Variants in ARHGEF12 observed in about 807,000 individuals in gnomAD.
ARHGEF12 encodes the protein KMT2A/ARHGEF12 fusion protein.
A neutral mutation model predicts 211.2 loss-of-function variants in ARHGEF12; 66 were observed. The observed-to-expected ratio is 0.31, with a 90% CI of 0.26 to 0.38. ARHGEF12 has a LOEUF of 0.38. ARHGEF12 is among the 10% of genes least tolerant of loss of function. The pLI, the probability that ARHGEF12 is intolerant of heterozygous loss-of-function variation, is 1.00. For missense variants in ARHGEF12, 1,429 were observed against 1,869.5 expected (o/e 0.76, Z 4.34); for synonymous variants, 592 against 638.4 (o/e 0.93, Z 1.09).
At chr11:120,435,042 A>G (rs1565479136) in intron 11 of ARHGEF12, among the ~76,000 whole-genome samples, 1 of 152,194 alleles carries the variant, frequency 6.6e-6, no homozygotes, top group Non-Finnish European at 1.5e-5. Flanking sequence ...CTAAGAATTA[A>G]TATTTTCTCA....
intron 1 of ARHGEF12, among the ~76,000 whole-genome samples, chr11:120,365,308 A>C (rs1943393630): frequency 6.6e-6 from 1 of 152,174 alleles, no homozygotes; most frequent in South Asian, 2.1e-4. Context: ...GTAAGCTGAT[A>C]GATGATTGGA....
At chr11:120,459,107 A>T in intron 25 of ARHGEF12, 67 bp from the exon 26 acceptor site, 1 of 1,291,982 alleles carries the variant, frequency 7.7e-7, no homozygotes, top group Non-Finnish European at 1.0e-6. Context: ...ACTCCAGCTA[A>T]AGACTATGAT....
Position 120,485,278 on chromosome 11 carries a change from G to A in ARHGEF12, c.*201G>A, listed in dbSNP as rs1236708259. On this transcript the variant is annotated 3_prime_UTR_variant, in exon 41 of 41. Coordinates refer to ENST00000397843, the MANE Select transcript of ARHGEF12 (RefSeq NM_015313.3). ...GGCAGCTGCACTAATCTGTTTGTGA[G>A]GGAATATCCATTCCCTCACTCTACT... 4 of 556,830 alleles carry A rather than the reference G, an allele frequency of 7.2e-6. No homozygotes were observed. Among genetic ancestry groups the A allele is most frequent in the Non-Finnish European group, 1.3e-5 (4 of 311,746 alleles). 34.5% of individuals were successfully genotyped at this position (556,830 alleles called of 1,614,324 possible).
At chr11:120,416,311 G>A (rs1232265080) in intron 4 of ARHGEF12, among the ~76,000 whole-genome samples, 1 of 152,116 alleles carries the variant, frequency 6.6e-6, no homozygotes, top group Non-Finnish European at 1.5e-5. Flanking sequence ...GCAAGGTTCT[G>A]AGATAAGATT....
In ARHGEF12 at chr11:120,428,222, GAATC is replaced by G; in HGVS notation, c.562_565del (p.Ile188LeufsTer18). 6.2e-7 allele frequency: 1 copy of G among 1,609,968 alleles called. No homozygotes were observed. On this transcript the variant is annotated frameshift_variant, in exon 8 of 41. Coordinates refer to ENST00000397843, the MANE Select transcript of ARHGEF12 (RefSeq NM_015313.3). LOFTEE classifies it high-confidence loss of function. ...CCTGGAGCATCTGGGAATATGGAGAGAATCACTAGTCCTGTGCTCATGGGGGTAA... is the reference window on the plus strand; with the variant it reads ...CCTGGAGCATCTGGGAATATGGAGAGACTAGTCCTGTGCTCATGGGGGTAA...
chr11:120,482,985 G>A (rs932057427), intron 39 of ARHGEF12, among the ~76,000 whole-genome samples: 3 of 152,102 alleles, frequency 2.0e-5, no homozygotes, highest in African/African-American at 7.2e-5. Context: ...AGCCCATTGA[G>A]GACAGGTCGG....
chr11:120,353,953 G>T (rs1042888923), intron 1 of ARHGEF12, among the ~76,000 whole-genome samples: 3 of 152,174 alleles, frequency 2.0e-5, no homozygotes, highest in African/African-American at 7.2e-5. Context: ...CCTGTGCTGG[G>T]TGATGCTGGG....
intron 1 of ARHGEF12, among the ~76,000 whole-genome samples, chr11:120,404,557 TC>T (rs1944638919): frequency 6.6e-6 from 1 of 152,142 alleles, no homozygotes; most frequent in Non-Finnish European, 1.5e-5. Flanking sequence ...TCCGTTTTTG[TC>T]CCCATTTTTC....
chr11:120,459,385 A>T, intron 26 of ARHGEF12, 65 bp downstream of exon 26: 1 of 1,517,708 alleles, frequency 6.6e-7, no homozygotes, highest in Non-Finnish European at 8.9e-7. Context: ...TGTGAGTTTA[A>T]AATTTTGTAA....
At chr11:120,372,895 CTGCTTAAGG>C in intron 1 of ARHGEF12, among the ~76,000 whole-genome samples, 1 of 152,150 alleles carries the variant, frequency 6.6e-6, no homozygotes, top group Admixed American at 6.5e-5. Context: ...TGATAATTTT[CTGCTTAAGG>C]TCACTCTAAC....
Position 120,478,354 on chromosome 11 carries a change from C to G in ARHGEF12, c.3731C>G (p.Ser1244Ter). 1 of 1,614,192 alleles carries G rather than the reference C, an allele frequency of 6.2e-7. No individual in the cohort carries two copies. The highest frequency in any genetic ancestry group is 8.5e-7 in the Non-Finnish European group (1 of 1,180,026). Residue 1244 changes from serine (S) to a stop codon, truncating the protein, a stop_gained, in exon 37 of 41, where the codon TCA becomes TGA. Transcript: ENST00000397843. LOFTEE classifies it high-confidence loss of function. ...IAIPDSHLPV[S>*]EERWALDALR... ...ATCCCAGATTCACACCTGCCTGTCT[C>G]AGAAGAACGGTGGGCATTGGATGCA...
intron 29 of ARHGEF12, among the ~76,000 whole-genome samples, 194 bp from the exon 30 acceptor site, chr11:120,469,094 C>A (rs1006826230): frequency 2.0e-5 from 3 of 152,096 alleles, no homozygotes; most frequent in Non-Finnish European, 2.9e-5. Flanking sequence ...GTTTTAAAGT[C>A]CTGTTATAAG....
intron 1 of ARHGEF12, among the ~76,000 whole-genome samples, chr11:120,364,622 C>T (rs751244191): frequency 5.3e-5 from 8 of 152,142 alleles, no homozygotes; most frequent in Non-Finnish European, 8.8e-5. Context: ...TCCCAGGGGA[C>T]TGCTGTTAAT....
At chr11:120,448,565 C>T in intron 20 of ARHGEF12, 4 of 543,340 alleles carry the variant, frequency 7.4e-6, no homozygotes, top group Non-Finnish European at 1.3e-5. Flanking sequence ...GTGAAATTAG[C>T]AGTTTACAAA....
intron 22 of ARHGEF12, among the ~76,000 whole-genome samples, chr11:120,453,141 G>A (rs1176002156): frequency 6.6e-6 from 1 of 152,178 alleles, no homozygotes; most frequent in Non-Finnish European, 1.5e-5. Context: ...TCAGAGGGCT[G>A]TAGCAGAAGA....
At chr11:120,431,146 C>T (rs111600350) in intron 10 of ARHGEF12, among the ~76,000 whole-genome samples, 2,255 of 152,042 alleles carry the variant, frequency 0.015, 56 homozygotes, top group African/African-American at 0.051. Flanking sequence ...AAAAATTAGA[C>T]AAGCTTGGTG....
chr11:120,469,540 C>G (rs1371598847), intron 30 of ARHGEF12, 152 bp downstream of exon 30: 9 of 677,402 alleles, frequency 1.3e-5, no homozygotes, highest in Non-Finnish European at 1.9e-5. Context: ...AGGTCAAGAT[C>G]AATCTGTGAT....
chr11:120,446,093 G>C (rs1470725574), intron 16 of ARHGEF12, among the ~76,000 whole-genome samples: 1 of 151,532 alleles, frequency 6.6e-6, no homozygotes, highest in African/African-American at 2.4e-5. Flanking sequence ...AGCTACTCAG[G>C]AGGCTGAGGC....
intron 1 of ARHGEF12, among the ~76,000 whole-genome samples, chr11:120,377,650 T>A (rs1343808881): frequency 6.6e-6 from 1 of 151,892 alleles, no homozygotes; most frequent in African/African-American, 2.4e-5. Context: ...TCTCTTTTTT[T>A]AGGCTTAATA....
Sources: allele counts gnomAD v4.1 joint callset (sites outside exome capture counted in the v4.1 genomes callset), GRCh38; gene constraint gnomAD v4.1.1; transcripts MANE v1.5; gene names NCBI Gene and HGNC (gene_info 2026-07-23, HGNC 2026-07-21).